Variants in PAK3 observed in about 807,000 individuals in gnomAD.
PAK3 encodes the protein p21 (RAC1) activated kinase 3.
In PAK3, 4 loss-of-function variants were observed where a neutral mutation model predicts 41.0. The ratio of observed to expected loss-of-function variants is 0.10; its 90% CI spans 0.05 to 0.22. The LOEUF (loss-of-function observed/expected upper bound fraction) is 0.22, where lower values mean the gene tolerates loss of function less well. PAK3 is among the 10% of genes least tolerant of loss of function. The probability of loss-of-function intolerance (pLI) is 1.00; values close to 1 mark genes in which losing one functional copy is unlikely to be tolerated. For missense variants in PAK3, 205 were observed against 409.9 expected (o/e 0.50, Z 4.32); for synonymous variants, 146 against 139.6 (o/e 1.05, Z -0.32).
intron 1 of PAK3, among the ~76,000 whole-genome samples, chrX:110,965,644 T>C (rs905104439): frequency 8.9e-5 from 10 of 112,481 alleles, no homozygotes; most frequent in African/African-American, 3.2e-4. Flanking sequence ...AGGCAATCAT[T>C]TGATTTATTC....
At position 111,224,733 on chromosome X, in the gene PAK3, T is replaced by C. The variant is rs1417060865; in HGVS notation, c.*4286T>C. The C allele has an allele frequency of 8.9e-6, 1 of 112,114 alleles. No individual in the cohort carries two copies. The highest frequency in any genetic ancestry group is 1.9e-5 in the Non-Finnish European group (1 of 53,202). 9.2% of individuals were successfully genotyped at this position (112,114 alleles called of 1,213,427 possible). A position where few individuals can be genotyped will look rare whatever the true frequency, so the allele number is the denominator to read the frequency against. ...CCATCTAACCAAAGGATAACTTCCTTCTAACTCACCAAAGAAATTTTAGGT... is the reference window on the plus strand; with the variant it reads ...CCATCTAACCAAAGGATAACTTCCTCCTAACTCACCAAAGAAATTTTAGGT... On this transcript the variant is annotated 3_prime_UTR_variant, in exon 18 of 18. Coordinates refer to ENST00000372007, the MANE Select transcript of PAK3 (RefSeq NM_002578.5).
At chrX:111,214,946 G>C (rs1204265635) in intron 16 of PAK3, among the ~76,000 whole-genome samples, 2 of 111,437 alleles carry the variant, frequency 1.8e-5, no homozygotes, top group Non-Finnish European at 3.8e-5. Flanking sequence ...GGCAGTACCT[G>C]CAGGCAAACT....
intron 1 of PAK3, among the ~76,000 whole-genome samples, chrX:111,022,767 C>T (rs1053180400): frequency 9.0e-6 from 1 of 111,324 alleles, no homozygotes; most frequent in Non-Finnish European, 1.9e-5. Context: ...AATTCAACAA[C>T]CAAGTTTCTG....
intron 10 of PAK3, among the ~76,000 whole-genome samples, chrX:111,170,217 T>C (rs902681095): frequency 1.8e-5 from 2 of 111,488 alleles, no homozygotes; most frequent in African/African-American, 3.3e-5. Flanking sequence ...GAGTCAATGA[T>C]GACTTGCAGA....
intron 16 of PAK3, among the ~76,000 whole-genome samples, chrX:111,209,206 G>A (rs150540038): frequency 0.035 from 3,892 of 111,133 alleles, 171 homozygotes; most frequent in African/African-American, 0.12. Context: ...ACAGTGAGAC[G>A]TGGTATTGTG....
At chrX:111,170,904 C>A (rs948063817) in intron 10 of PAK3, among the ~76,000 whole-genome samples, 1 of 111,067 alleles carries the variant, frequency 9.0e-6, no homozygotes, top group Non-Finnish European at 1.9e-5. Context: ...GGTGAAGGAC[C>A]TTCTCTGTCT....
chrX:111,172,331 A>G (rs1470458773), intron 10 of PAK3, among the ~76,000 whole-genome samples: 1 of 111,691 alleles, frequency 9.0e-6, no homozygotes, highest in Non-Finnish European at 1.9e-5. Flanking sequence ...TATGAGCCTG[A>G]GCACATTTTT....
intron 4 of PAK3, among the ~76,000 whole-genome samples, chrX:111,114,513 T>A (rs989086514): frequency 2.7e-5 from 3 of 112,094 alleles, no homozygotes; most frequent in Non-Finnish European, 5.6e-5. Flanking sequence ...GATAAAGCAT[T>A]AGTTGGTATA....
upstream of PAK3, among the ~76,000 whole-genome samples, chrX:111,096,097 T>C (rs1371421804): frequency 3.6e-5 from 4 of 112,193 alleles, no homozygotes; most frequent in Non-Finnish European, 7.5e-5. Context: ...ATTTTAGTTT[T>C]ATGCTCACCA....
chrX:110,960,881 A>G (rs914756254), intron 1 of PAK3, among the ~76,000 whole-genome samples: 3 of 110,989 alleles, frequency 2.7e-5, no homozygotes, highest in East Asian at 5.7e-4. Context: ...TTTCATCTAA[A>G]TCTCTCATCT....
chrX:111,100,956 C>G (rs978805770), intron 3 of PAK3, among the ~76,000 whole-genome samples: 2 of 112,166 alleles, frequency 1.8e-5, no homozygotes, highest in Non-Finnish European at 3.8e-5. Context: ...GCCCACAACA[C>G]TATACAGACA....
intron 16 of PAK3, among the ~76,000 whole-genome samples, chrX:111,205,148 G>A (rs996151319): frequency 9.2e-6 from 1 of 109,270 alleles, no homozygotes; most frequent in Non-Finnish European, 1.9e-5. Context: ...TCAAAAGAGT[G>A]GAATTTCACT....
chrX:111,019,731 GGC>G (rs1491028253), intron 1 of PAK3, among the ~76,000 whole-genome samples: 1 of 103,365 alleles, frequency 9.7e-6, no homozygotes, highest in African/African-American at 3.6e-5. Context: ...AAGGGGGGGG[GGC>G]AAATGATTTG....
At chrX:111,061,728 A>G (rs778281629) in intron 1 of PAK3, among the ~76,000 whole-genome samples, 1 of 111,450 alleles carries the variant, frequency 9.0e-6, no homozygotes, top group African/African-American at 3.3e-5. Flanking sequence ...GTTATAAATG[A>G]TATTTGCTTT....
intron 7 of PAK3, among the ~76,000 whole-genome samples, chrX:111,152,072 C>CA (rs2094036334): frequency 8.9e-6 from 1 of 112,254 alleles, no homozygotes; most frequent in South Asian, 3.7e-4. Context: ...GCTGAAACCA[C>CA]AAAAAGTGAA....
At chrX:111,170,731 C>G (rs769086441) in intron 10 of PAK3, among the ~76,000 whole-genome samples, 6 of 110,327 alleles carry the variant, frequency 5.4e-5, no homozygotes, top group Admixed American at 4.8e-4. Context: ...ATTTAAATGA[C>G]AAATAAGAAT....
chrX:111,179,061 A>G (rs2094439226), intron 11 of PAK3, among the ~76,000 whole-genome samples: 1 of 104,629 alleles, frequency 9.6e-6, no homozygotes, highest in Non-Finnish European at 2.0e-5. Flanking sequence ...GATGTTTGTT[A>G]ATTTACTTTC....
chrX:111,122,918 CT>C (rs1212029482), intron 4 of PAK3, among the ~76,000 whole-genome samples, 158 bp from the exon 5 acceptor site: 2 of 111,515 alleles, frequency 1.8e-5, no homozygotes, highest in African/African-American at 6.5e-5. Context: ...AGGTAACTTC[CT>C]TCCCTCCAGA....
intron 1 of PAK3, among the ~76,000 whole-genome samples, chrX:111,084,305 G>A (rs1359510626): frequency 8.9e-6 from 1 of 112,528 alleles, no homozygotes; most frequent in Admixed American, 9.4e-5. Context: ...GAATTGTAGG[G>A]AAACTAGGTC....
Sources: gnomAD v4.1 joint callset for allele counts (sites outside exome capture counted in the v4.1 genomes callset) on GRCh38, gnomAD v4.1.1 for gene constraint, MANE v1.5 for transcripts, NCBI Gene and HGNC (gene_info 2026-07-23, HGNC 2026-07-21) for gene names.